Variants in BMPR2 observed in about 807,000 individuals in gnomAD.
The protein encoded by BMPR2 is bone morphogenetic protein receptor type 2.
A neutral mutation model predicts 100.8 loss-of-function variants in BMPR2; 29 were observed. The observed-to-expected ratio is 0.29, with a 90% CI of 0.21 to 0.39. The LOEUF (loss-of-function observed/expected upper bound fraction) is 0.39. BMPR2 is among the 10% of genes least tolerant of loss of function. The pLI, the probability that BMPR2 is intolerant of heterozygous loss-of-function variation, is 1.00. For missense variants in BMPR2, 1,011 were observed against 1,274.5 expected (o/e 0.79, Z 3.15); for synonymous variants, 382 against 442.3 (o/e 0.86, Z 1.71).
chr2:202,406,728 G>A (rs1380207464), intron 1 of BMPR2, among the ~76,000 whole-genome samples: 1 of 152,116 alleles, frequency 6.6e-6, no homozygotes, highest in African/African-American at 2.4e-5. Flanking sequence ...CCAAGTTAGG[G>A]TTAGGCACAC....
At chr2:202,381,035 C>T (rs1159631706) in intron 1 of BMPR2, among the ~76,000 whole-genome samples, 3 of 122,128 alleles carry the variant, frequency 2.5e-5, no homozygotes, top group Non-Finnish European at 4.8e-5. Context: ...AGTGCAGTGG[C>T]GCCATCTCAG....
At chr2:202,465,173 G>A (rs766361076) in intron 2 of BMPR2, among the ~76,000 whole-genome samples, 194 bp downstream of exon 2, 15 of 152,160 alleles carry the variant, frequency 9.9e-5, no homozygotes, top group Middle Eastern at 3.4e-3. Context: ...ATCACTTGAG[G>A]CCAGGAGTTT....
intron 1 of BMPR2, among the ~76,000 whole-genome samples, chr2:202,448,549 C>G (rs556408730): frequency 1.3e-3 from 193 of 151,696 alleles, no homozygotes; most frequent in Non-Finnish European, 2.3e-3. Flanking sequence ...CTCCTCCTCC[C>G]GGGTTCAAGC....
At chr2:202,460,446 C>CT (rs1474164669) in intron 1 of BMPR2, among the ~76,000 whole-genome samples, 1 of 152,050 alleles carries the variant, frequency 6.6e-6, no homozygotes, top group African/African-American at 2.4e-5. Flanking sequence ...AAAAAGAAAA[C>CT]TTTAAGAATA....
intron 3 of BMPR2, among the ~76,000 whole-genome samples, chr2:202,492,700 C>CAAAAA (rs1166246933): frequency 9.5e-5 from 5 of 52,810 alleles, no homozygotes; most frequent in Non-Finnish European, 1.3e-4. Flanking sequence ...AGCTCTGTCT[C>CAAAAA]AAAAAAAAAA....
At chr2:202,484,045 G>A (rs1692717987) in intron 3 of BMPR2, among the ~76,000 whole-genome samples, 3 of 152,194 alleles carry the variant, frequency 2.0e-5, no homozygotes, top group Non-Finnish European at 2.9e-5. Context: ...AGTGAGGTGT[G>A]ACTGCACTCA....
intron 9 of BMPR2, among the ~76,000 whole-genome samples, chr2:202,535,176 G>A (rs937000107): frequency 3.5e-5 from 5 of 142,138 alleles, no homozygotes; most frequent in East Asian, 2.1e-4. Context: ...CTGGCCTGGC[G>A]GGGGGCTGAC....
chr2:202,399,717 A>AT (rs916780922), intron 1 of BMPR2, among the ~76,000 whole-genome samples: 22 of 152,192 alleles, frequency 1.4e-4, no homozygotes, highest in Non-Finnish European at 2.6e-4. Context: ...GGCAGGTTGG[A>AT]TTTTTTCCTC....
rs1456633578 is a variant in BMPR2, at chr2:202,555,795, C to T, written c.2130C>T (p.Leu710=). Reference sequence around the variant, plus strand: ...CTAGTTCTAGCTTGCTTTACCCACTCATAAAACTTGCAGTAGAAGCAACTG... The same window carrying T: ...CTAGTTCTAGCTTGCTTTACCCACTTATAAAACTTGCAGTAGAAGCAACTG... ...SSTSSSLLYP[L]IKLAVEATGQ... Residue 710 remains leucine (L), a synonymous_variant, in exon 12 of 13, where the codon CTC becomes CTT. Coordinates refer to ENST00000374580, the MANE Select transcript of BMPR2 (RefSeq NM_001204.7). 2.5e-6 allele frequency: 4 copies of T among 1,613,994 alleles called. No individual in the cohort carries two copies. The highest frequency in any genetic ancestry group is 1.3e-5 in the African/African-American group (1 of 74,918).
At chr2:202,423,670 G>A (rs1047434571) in intron 1 of BMPR2, among the ~76,000 whole-genome samples, 5 of 152,146 alleles carry the variant, frequency 3.3e-5, no homozygotes, top group African/African-American at 7.2e-5. Flanking sequence ...CAGGGGTATC[G>A]TTTCAGCCAG....
At chr2:202,452,970 TAA>T (rs1574457071) in intron 1 of BMPR2, among the ~76,000 whole-genome samples, 1 of 152,094 alleles carries the variant, frequency 6.6e-6, no homozygotes, top group African/African-American at 2.4e-5. Context: ...GCACTCCAGG[TAA>T]AGAGAACAGA....
In BMPR2 at chr2:202,556,490, A is replaced by C. The variant is rs1247868164; in HGVS notation, c.2825A>C (p.Asp942Ala). 2 of 1,614,000 alleles carry C rather than the reference A, an allele frequency of 1.2e-6. No individual in the cohort carries two copies. Among genetic ancestry groups the C allele is most frequent in the African/African-American group, 1.3e-5 (1 of 75,066 alleles). ...PRRAQRPNSL[D>A]LSATNVLDGS... The stretch of plus-strand genomic sequence containing the variant: ...AGAGCACAGAGGCCTAATTCTCTGG[A>C]TCTTTCAGCCACAAATGTCCTGGAT... Residue 942 changes from aspartate to alanine, a missense_variant, in exon 12 of 13, where the codon GAT (aspartate) becomes GCT (alanine). Coordinates refer to ENST00000374580, the MANE Select transcript of BMPR2 (RefSeq NM_001204.7).
At chr2:202,476,299 C>T (rs945951199) in intron 3 of BMPR2, among the ~76,000 whole-genome samples, 1 of 151,886 alleles carries the variant, frequency 6.6e-6, no homozygotes, top group Non-Finnish European at 1.5e-5. Flanking sequence ...GTCTCATTTC[C>T]TTATAATGTG....
intron 1 of BMPR2, among the ~76,000 whole-genome samples, chr2:202,459,513 C>T (rs543593120): frequency 2.0e-5 from 3 of 152,272 alleles, no homozygotes; most frequent in Admixed American, 2.0e-4. Flanking sequence ...TTGCTGGCCC[C>T]AGTGTGTGGG....
intron 1 of BMPR2, among the ~76,000 whole-genome samples, chr2:202,416,238 T>C (rs78857880): frequency 0.12 from 18,029 of 151,680 alleles, 1,190 homozygotes; most frequent in Admixed American, 0.14. Context: ...TGCAGTCTCA[T>C]GAGAAAATTT....
chr2:202,410,549 A>G (rs1413463500), intron 1 of BMPR2, among the ~76,000 whole-genome samples: 2 of 152,224 alleles, frequency 1.3e-5, no homozygotes, highest in Non-Finnish European at 2.9e-5. Flanking sequence ...CCATACTAAT[A>G]TAAACAAGGG....
Position 202,484,939 on chromosome 2 carries a change from A to C in BMPR2, c.418+17250A>C, listed in dbSNP as rs1254969146. Among the ~76,000 whole-genome samples the C allele has an allele frequency of 4.9e-5, 7 of 143,994 alleles. No individual in the cohort carries two copies. The South Asian group carries it at 1.1e-3, about 23-fold the overall frequency. The allele number at this position is 143,994 out of a possible 152,430, so 94.5% of individuals were successfully genotyped here. On this transcript the variant is annotated intron_variant, in intron 3 of 12. Transcript: ENST00000374580. ...AGCCGAAATCGTGCCACTGCACTCC[A>C]GCCTGGGCGACAGAGTGAGACTCCG...
chr2:202,458,341 G>C (rs1692164056), intron 1 of BMPR2, among the ~76,000 whole-genome samples: 1 of 148,720 alleles, frequency 6.7e-6, no homozygotes, highest in South Asian at 2.1e-4. Context: ...TTGGTGGCAT[G>C]TGCTTGTGGT....
intron 1 of BMPR2, among the ~76,000 whole-genome samples, chr2:202,422,527 C>T (rs1229534410): frequency 4.0e-5 from 6 of 151,854 alleles, no homozygotes; most frequent in Non-Finnish European, 8.8e-5. Flanking sequence ...AGGATGGTCT[C>T]GATCTCGTGA....
Sources: allele counts gnomAD v4.1 joint callset (sites outside exome capture counted in the v4.1 genomes callset), GRCh38; gene constraint gnomAD v4.1.1; transcripts MANE v1.5; gene names NCBI Gene and HGNC (gene_info 2026-07-23, HGNC 2026-07-21).